Variants in TMED10 observed in about 807,000 individuals in gnomAD.
TMED10 encodes the protein transmembrane p24 trafficking protein 10.
Under a neutral mutation model 23.1 loss-of-function variants are expected in TMED10, and 7 were observed. The observed-to-expected ratio is 0.30, with a 90% confidence interval of 0.17 to 0.57. The LOEUF (loss-of-function observed/expected upper bound fraction) is 0.57. Among genes scored for constraint, TMED10 ranks in the 20% least tolerant of loss-of-function variants. The pLI, the probability that TMED10 is intolerant of heterozygous loss-of-function variation, is 0.91. For synonymous variants in TMED10, 113 were observed against 106.9 expected (o/e 1.06, Z -0.35); for missense variants, 162 against 274.8 (o/e 0.59, Z 2.90).
At chr14:75,148,205 G>T (rs765428230) in intron 2 of TMED10, among the ~76,000 whole-genome samples, 8 of 152,140 alleles carry the variant, frequency 5.3e-5, no homozygotes, top group Non-Finnish European at 1.0e-4. Context: ...GGAAGGCCAT[G>T]ATGAATTAGG....
chr14:75,157,685 T>G (rs1896036623), intron 1 of TMED10, among the ~76,000 whole-genome samples: 1 of 151,778 alleles, frequency 6.6e-6, no homozygotes, highest in Admixed American at 6.6e-5. Context: ...ACACCTGTAA[T>G]CCCAGCACTT....
intron 1 of TMED10, among the ~76,000 whole-genome samples, chr14:75,173,243 C>T (rs576624677): frequency 2.7e-4 from 41 of 152,198 alleles, no homozygotes; most frequent in Admixed American, 1.4e-3. Flanking sequence ...GAAAACTAGC[C>T]GGATATGGTG....
chr14:75,138,282 AT>A (rs1895777625), intron 3 of TMED10, among the ~76,000 whole-genome samples: 6 of 152,398 alleles, frequency 3.9e-5, no homozygotes, highest in Admixed American at 3.9e-4. Flanking sequence ...TTTAAGGTCC[AT>A]AAAAATATGG....
intron 1 of TMED10, among the ~76,000 whole-genome samples, chr14:75,165,690 ATCTAGATTTTGCCCAGAACAAAG>A (rs1361022399): frequency 6.6e-6 from 1 of 152,260 alleles, no homozygotes; most frequent in Non-Finnish European, 1.5e-5. Flanking sequence ...AAAGGATCAC[ATCTAGATTTTGCCCAGAACAAAG>A]TCAAACTTAG....
chr14:75,148,474 C>T (rs1286033141), intron 2 of TMED10, among the ~76,000 whole-genome samples: 2 of 151,554 alleles, frequency 1.3e-5, no homozygotes, highest in African/African-American at 2.4e-5. Context: ...TTAGAAGAGT[C>T]AATCTGATTC....
chr14:75,165,978 G>C (rs972568163), intron 1 of TMED10, among the ~76,000 whole-genome samples: 1 of 151,672 alleles, frequency 6.6e-6, no homozygotes, highest in Non-Finnish European at 1.5e-5. Context: ...GCTTGACTTG[G>C]GGGAGGAGTG....
chr14:75,153,895 G>C (rs1373046938), intron 1 of TMED10, among the ~76,000 whole-genome samples: 1 of 149,140 alleles, frequency 6.7e-6, no homozygotes, highest in Non-Finnish European at 1.5e-5. Flanking sequence ...TCAGCCTCCC[G>C]AGTAGCTGGA....
chr14:75,176,329 C>T (rs537770514), intron 1 of TMED10, 26 bp downstream of exon 1: 1 of 1,612,664 alleles, frequency 6.2e-7, no homozygotes, highest in African/African-American at 1.3e-5. Context: ...TCTTCCCTCC[C>T]GGCCCCACGT....
At position 75,132,394 on chromosome 14, in the gene TMED10, C is replaced by CCA. The variant is rs1555355321; in HGVS notation, c.*2490_*2491insTG. On this transcript the variant is annotated 3_prime_UTR_variant, in exon 5 of 5. Coordinates refer to ENST00000303575, the MANE Select transcript of TMED10 (RefSeq NM_006827.6). ...TGCAGCAAGACTCCGTCCCCCCCCC[C>CCA]CCAAAAAAAAAAAAGTTTAAGGATG... The CCA allele has an allele frequency of 2.5e-5, 3 of 120,694 alleles. No individual in the cohort carries two copies. The highest frequency in any genetic ancestry group is 9.1e-5 in the African/African-American group (3 of 32,838). 7.5% of individuals were successfully genotyped at this position (120,694 alleles called of 1,614,324 possible). A position where few individuals can be genotyped will look rare whatever the true frequency, so the allele number is the denominator to read the frequency against.
At chr14:75,135,082 G>A in intron 4 of TMED10, 76 bp from the exon 5 acceptor site, 3 of 1,560,862 alleles carry the variant, frequency 1.9e-6, no homozygotes, top group Non-Finnish European at 2.6e-6. Flanking sequence ...AGGGGAGGTG[G>A]GTAAAGGCAA....
chr14:75,148,703 G>C (rs1370977797), intron 2 of TMED10, among the ~76,000 whole-genome samples: 1 of 152,170 alleles, frequency 6.6e-6, no homozygotes, highest in African/African-American at 2.4e-5. Context: ...TGTACCCTCT[G>C]ATGCCTGAGA....
intron 1 of TMED10, among the ~76,000 whole-genome samples, chr14:75,154,757 G>A (rs1328942457): frequency 2.0e-5 from 3 of 151,944 alleles, no homozygotes; most frequent in African/African-American, 4.8e-5. Context: ...TCTGCCTCCC[G>A]GGTTCAAGCG....
chr14:75,152,910 G>A (rs1895972310), intron 1 of TMED10, among the ~76,000 whole-genome samples: 1 of 152,176 alleles, frequency 6.6e-6, no homozygotes, highest in Non-Finnish European at 1.5e-5. Flanking sequence ...ACGAGGTCAA[G>A]AGATCAAGAC....
chr14:75,152,140 T>C lies in TMED10; in HGVS notation c.229A>G (p.Thr77Ala). ...TAGAGAATATGGCCAGCAGAATCTG[T>C]GATCTAAAATAAGAAAAGTAGTAAG... is the stretch of plus-strand genomic sequence containing the variant. ...AGGLRSHLKI[T>A]DSAGHILYSK... The change falls in exon 2 of 5, where the codon ACA becomes GCA. Residue 77 changes from threonine to alanine, a missense_variant. Coordinates refer to ENST00000303575, the MANE Select transcript of TMED10 (RefSeq NM_006827.6). The C allele has an allele frequency of 6.2e-7, 1 of 1,612,908 alleles. No homozygotes were observed. The highest frequency in any genetic ancestry group is 8.5e-7 in the Non-Finnish European group (1 of 1,179,272).
chr14:75,150,166 T>C (rs1895938863), intron 2 of TMED10, among the ~76,000 whole-genome samples: 1 of 152,136 alleles, frequency 6.6e-6, no homozygotes, highest in Admixed American at 6.5e-5. Flanking sequence ...AAGAGAAATA[T>C]AAATAAGACT....
chr14:75,133,074 C>T lies in TMED10; in HGVS notation c.*1811G>A, dbSNP rs1468795034. ...CATAACATGTATTTTTAAGTATTTA[C>T]TCTCTTAATGGCCCTCGATGTCTAT... On this transcript the variant is annotated 3_prime_UTR_variant, in exon 5 of 5. Transcript: ENST00000303575. 6.6e-6 allele frequency: 1 copy of T among 152,172 alleles called. No homozygotes were observed. Among genetic ancestry groups the T allele is most frequent in the African/African-American group, 2.4e-5 (1 of 41,448 alleles). The allele number at this position is 152,172 out of a possible 1,614,324, so 9.4% of individuals were successfully genotyped here. A position where few individuals can be genotyped will look rare whatever the true frequency, so the allele number is the denominator to read the frequency against.
chr14:75,145,685 G>A (rs950619702), intron 3 of TMED10, among the ~76,000 whole-genome samples: 1 of 152,162 alleles, frequency 6.6e-6, no homozygotes, highest in African/African-American at 2.4e-5. Flanking sequence ...TACTCGGGAG[G>A]CTGAGGCAGG....
chr14:75,131,671 A>G lies in TMED10; in HGVS notation c.*3214T>C, dbSNP rs1244222156. ...TATATTATACAGACCATTTTGGATAATATGCTCAAAAATGGAGGAAAGCAC... is the reference window on the plus strand; with the variant it reads ...TATATTATACAGACCATTTTGGATAGTATGCTCAAAAATGGAGGAAAGCAC... On this transcript the variant is annotated 3_prime_UTR_variant, in exon 5 of 5. Transcript: ENST00000303575. 1 of 152,518 alleles carries G rather than the reference A, an allele frequency of 6.6e-6. No homozygotes were observed. The highest frequency in any genetic ancestry group is 1.9e-4 in the East Asian group (1 of 5,202). The allele number at this position is 152,518 out of a possible 1,614,324, so 9.4% of individuals were successfully genotyped here.
chr14:75,175,870 A>C (rs1267745078), intron 1 of TMED10: 1 of 176,066 alleles, frequency 5.7e-6, no homozygotes, highest in Non-Finnish European at 1.2e-5. Context: ...AGGGTAGTGC[A>C]TGAACCAAAT....
Sources: allele counts gnomAD v4.1 joint callset (sites outside exome capture counted in the v4.1 genomes callset), GRCh38; gene constraint gnomAD v4.1.1; transcripts MANE v1.5; gene names NCBI Gene and HGNC (gene_info 2026-07-23, HGNC 2026-07-21).